Variants in SF3B1 observed in about 807,000 individuals in gnomAD.
SF3B1 encodes pre-mRNA processing 10.
SF3B1 carries 12 observed loss-of-function variants against 153.8 expected under a neutral mutation model. The ratio of observed to expected loss-of-function variants is 0.08; its 90% CI spans 0.05 to 0.13. The LOEUF is 0.13. Ranked by LOEUF, SF3B1 falls within the 10% of genes least tolerant of loss-of-function variation. SF3B1 has a pLI of 1.00. For missense variants in SF3B1, 513 were observed against 1,606.1 expected (o/e 0.32, Z 11.63); for synonymous variants, 498 against 525.2 (o/e 0.95, Z 0.71).
At chr2:197,398,397 A>C (rs1315522764) in intron 21 of SF3B1, 64 bp downstream of exon 21, 2 of 1,575,618 alleles carry the variant, frequency 1.3e-6, no homozygotes, top group Non-Finnish European at 1.7e-6. Context: ...TTGCTAATTG[A>C]ATACAAAGTG....
In SF3B1 at chr2:197,400,568, G is replaced by A; in HGVS notation, c.2719-134C>T. On this transcript the variant is annotated intron_variant, in intron 18 of 24. Transcript: ENST00000335508. The surrounding 1 kb of genome is among the most constrained non-coding windows in gnomAD (Gnocchi z 5.0). Reference sequence around the variant, plus strand: ...TTTTACATCAAATCTTAAAACTTGAGGTAGAATAATATCGTTTGGTAACCC... The same window carrying A: ...TTTTACATCAAATCTTAAAACTTGAAGTAGAATAATATCGTTTGGTAACCC... The A allele has an allele frequency of 9.8e-7, 1 of 1,016,366 alleles. No individual in the cohort carries two copies. 63.0% of individuals were successfully genotyped at this position (1,016,366 alleles called of 1,614,324 possible).
At chr2:197,410,305 A>G (rs911507687) in intron 6 of SF3B1, among the ~76,000 whole-genome samples, 4 of 152,140 alleles carry the variant, frequency 2.6e-5, no homozygotes, top group African/African-American at 9.7e-5. Flanking sequence ...ACTGGGGGAA[A>G]TCACTGAGGT....
rs1336296559 is a variant in SF3B1 at position 197,392,577 on chromosome 2, G to GGT, written c.3757-117_3757-116insAC. On this transcript the variant is annotated intron_variant, in intron 24 of 24. Transcript: ENST00000335508. ...TTATTTCCCTTGGGGAGTTGGGGGG[G>GGT]GGGGAACCTACTAATTACACTGCTC... 2.3e-4 allele frequency: 72 copies of GGT among 319,084 alleles called. 4 individuals are homozygous for GGT. The highest frequency in any genetic ancestry group is 2.0e-3 in the South Asian group (69 of 34,132). 19.8% of individuals were successfully genotyped at this position (319,084 alleles called of 1,614,324 possible).
chr2:197,428,929 C>G (rs2085380692), intron 1 of SF3B1, among the ~76,000 whole-genome samples: 1 of 151,854 alleles, frequency 6.6e-6, no homozygotes, highest in East Asian at 1.9e-4. Flanking sequence ...CAAGATCACG[C>G]CACTGCACTC....
chr2:197,392,748 T>C (rs746544752), intron 24 of SF3B1, among the ~76,000 whole-genome samples: 49 of 152,074 alleles, frequency 3.2e-4, no homozygotes, highest in Middle Eastern at 3.4e-3. Flanking sequence ...TTTAAAAATC[T>C]TTAACTTACA....
intron 20 of SF3B1, 71 bp from the exon 21 acceptor site, chr2:197,398,652 AATGTCATATATGACT>A: frequency 2.9e-6 from 4 of 1,365,888 alleles, no homozygotes; most frequent in Non-Finnish European, 4.1e-6. Flanking sequence ...TTTACTTAGC[AATGTCATATATGACT>A]ATGTATAAAT....
At position 197,392,036 on chromosome 2, in the gene SF3B1, A is replaced by G; in HGVS notation, c.*267T>C. 1 of 271,156 alleles carries G rather than the reference A, an allele frequency of 3.7e-6. No homozygotes were observed. 16.8% of individuals were successfully genotyped at this position (271,156 alleles called of 1,614,324 possible). A position where few individuals can be genotyped will look rare whatever the true frequency, so the allele number is the denominator to read the frequency against. Reference sequence around the variant, plus strand: ...ACATTCCCTTTAAACACAAGGAATGAGTTCTAAATCTTCATAAAGATGAAT... The same window carrying G: ...ACATTCCCTTTAAACACAAGGAATGGGTTCTAAATCTTCATAAAGATGAAT... On this transcript the variant is annotated 3_prime_UTR_variant, in exon 25 of 25. Coordinates refer to ENST00000335508, the MANE Select transcript of SF3B1 (RefSeq NM_012433.4).
chr2:197,406,352 T>A (rs1311622583), intron 9 of SF3B1, among the ~76,000 whole-genome samples: 2 of 152,148 alleles, frequency 1.3e-5, no homozygotes, highest in South Asian at 4.1e-4. Context: ...CTATTAAAGA[T>A]TAAATTATGT....
At chr2:197,424,105 A>T in intron 1 of SF3B1, 131 bp from the exon 2 acceptor site, 2 of 781,530 alleles carry the variant, frequency 2.6e-6, no homozygotes, top group Non-Finnish European at 4.1e-6. Flanking sequence ...TGCACCATAT[A>T]AGAGACTAGT....
At chr2:197,398,711 C>T (rs1340104689) in intron 20 of SF3B1, 130 bp from the exon 21 acceptor site, 3 of 829,490 alleles carry the variant, frequency 3.6e-6, no homozygotes, top group Non-Finnish European at 5.6e-6. Context: ...AAGAGAAAGC[C>T]CCAGATTCTG....
At chr2:197,399,812 G>A (rs922026194) in intron 20 of SF3B1, among the ~76,000 whole-genome samples, 1 of 152,068 alleles carries the variant, frequency 6.6e-6, no homozygotes, top group African/African-American at 2.4e-5. Context: ...TTTTTGAGCT[G>A]TGACTACTCC....
intron 1 of SF3B1, among the ~76,000 whole-genome samples, chr2:197,433,853 T>G (rs2085480464): frequency 6.6e-6 from 1 of 152,236 alleles, no homozygotes; most frequent in South Asian, 2.1e-4. Context: ...CTTCCCGATT[T>G]AAAACTGACT....
At chr2:197,395,510 G>T (rs1468200510) in intron 23 of SF3B1, among the ~76,000 whole-genome samples, 1 of 152,184 alleles carries the variant, frequency 6.6e-6, no homozygotes, top group Non-Finnish European at 1.5e-5. Flanking sequence ...TTACTTCTGT[G>T]TTTAAGGCTG....
intron 6 of SF3B1, among the ~76,000 whole-genome samples, chr2:197,411,172 TA>T (rs2085062018): frequency 1.3e-5 from 2 of 152,156 alleles, no homozygotes; most frequent in African/African-American, 4.8e-5. Context: ...TGGGTTTAAG[TA>T]ACATCAAGGG....
intron 1 of SF3B1, among the ~76,000 whole-genome samples, chr2:197,429,317 A>G (rs2085388374): frequency 6.6e-6 from 1 of 152,170 alleles, no homozygotes; most frequent in African/African-American, 2.4e-5. Context: ...TCCAATTTCC[A>G]CACTGTTGTG....
chr2:197,430,645 G>A (rs1240013305), intron 1 of SF3B1, among the ~76,000 whole-genome samples: 3 of 152,084 alleles, frequency 2.0e-5, no homozygotes, highest in Non-Finnish European at 2.9e-5. Context: ...GTAGAGATAG[G>A]GTTTCACCAT....
At chr2:197,419,901 CA>C (rs2085212297) in intron 4 of SF3B1, 1 of 222,832 alleles carries the variant, frequency 4.5e-6, no homozygotes, top group Non-Finnish European at 8.9e-6. Context: ...CTAAAATTAG[CA>C]AAACAGACTC....
In SF3B1 at chr2:197,405,160, T is replaced by C; in HGVS notation, c.1455A>G (p.Ser485=). The change falls in exon 11 of 25, where the codon TCA becomes TCG. Residue 485 remains serine, a synonymous_variant. Transcript: ENST00000335508. ...FDKLLVDVDE[S]TLSPEEQKER... ...CTTTTTGCTCTTCTGGACTAAGTGT[T>C]GATTCATCAACATCAACCTATAGTA... 1 of 1,611,182 alleles carries C rather than the reference T, an allele frequency of 6.2e-7. No individual in the cohort carries two copies. The highest frequency in any genetic ancestry group is 1.1e-5 in the South Asian group (1 of 90,492).
In SF3B1 at chr2:197,409,627, T is replaced by A. The variant is rs77322274; in HGVS notation, c.904+143A>T. ...TTCAAGAAGTGGAAAAAATTAGGCATATGAACTGTTCTATTCTTAATCTGT... is the reference window on the plus strand; with the variant it reads ...TTCAAGAAGTGGAAAAAATTAGGCAAATGAACTGTTCTATTCTTAATCTGT... On this transcript the variant is annotated intron_variant, in intron 7 of 24. Transcript: ENST00000335508. 3,086 of 718,240 alleles carry A rather than the reference T, an allele frequency of 4.3e-3. 10 individuals carry two copies. Among genetic ancestry groups the A allele is most frequent in the Non-Finnish European group, 6.0e-3 (2,441 of 405,170 alleles). The allele number at this position is 718,240 out of a possible 1,614,324, so 44.5% of individuals were successfully genotyped here. A position where few individuals can be genotyped will look rare whatever the true frequency, so the allele number is the denominator to read the frequency against.
Sources: allele counts gnomAD v4.1 joint callset (sites outside exome capture counted in the v4.1 genomes callset), GRCh38; gene constraint gnomAD v4.1.1; non-coding constraint Gnocchi (gnomAD v3.1); transcripts MANE v1.5; gene names NCBI Gene and HGNC (gene_info 2026-07-23, HGNC 2026-07-21).